The following CDH13 variants were observed in gnomAD, a reference collection of about 807,000 sequenced individuals.
The protein encoded by CDH13 is cadherin 13.
CDH13 carries 24 observed loss-of-function variants against 63.8 expected under a neutral mutation model. That is an observed-to-expected ratio of 0.38 (90% CI 0.27 to 0.53). The LOEUF is 0.53. CDH13 is among the 20% of genes least tolerant of loss of function. The pLI is 0.85. For missense variants in CDH13, 1,049 were observed against 903.1 expected, an observed-to-expected ratio of 1.16 and a Z score of -2.07; for synonymous variants, 503 against 355.3, an observed-to-expected ratio of 1.42 and a Z score of -4.67.
intron 1 of CDH13, among the ~76,000 whole-genome samples, chr16:82,760,474 AT>A (rs1233644120): frequency 6.6e-6 from 1 of 152,112 alleles, no homozygotes; most frequent in Non-Finnish European, 1.5e-5. Flanking sequence ...TTTTATTAAT[AT>A]TATGGCATTA....
chr16:83,093,294 CTTTTTTTTTTTTTTTTTTTTTT>C (rs549590536), intron 3 of CDH13, among the ~76,000 whole-genome samples: 5 of 35,292 alleles, frequency 1.4e-4, no homozygotes, highest in Non-Finnish European at 2.8e-4. Context: ...ACCATAAGTA[CTTTTTTTTTTTTTTTTTTTTTT>C]TTTTTTTTTT....
chr16:83,417,705 C>G (rs1419028956), intron 6 of CDH13, among the ~76,000 whole-genome samples: 2 of 152,200 alleles, frequency 1.3e-5, no homozygotes, highest in Non-Finnish European at 2.9e-5. Flanking sequence ...GCTCCTCTTA[C>G]GAAGCAGACA....
chr16:83,077,377 G>T (rs146252549), intron 3 of CDH13, among the ~76,000 whole-genome samples: 1 of 151,112 alleles, frequency 6.6e-6, no homozygotes, highest in African/African-American at 2.4e-5. Flanking sequence ...ATTTTTACTA[G>T]ATCTATGGTT....
intron 6 of CDH13, among the ~76,000 whole-genome samples, chr16:83,471,515 C>T (rs1290101103): frequency 5.3e-5 from 8 of 152,158 alleles, no homozygotes; most frequent in African/African-American, 1.9e-4. Flanking sequence ...ACCTCGTGAT[C>T]CACCCGCCTC....
At chr16:83,572,959 A>G (rs1395051985) in intron 7 of CDH13, among the ~76,000 whole-genome samples, 2 of 152,342 alleles carry the variant, frequency 1.3e-5, no homozygotes, top group African/African-American at 2.4e-5. Flanking sequence ...AAATGTGTAC[A>G]GTACTTACAG....
intron 1 of CDH13, among the ~76,000 whole-genome samples, chr16:82,635,250 A>C (rs957030439): frequency 3.9e-5 from 6 of 152,268 alleles, no homozygotes; most frequent in Admixed American, 6.5e-5. Context: ...AATGAATATA[A>C]GAAAGACATC....
At chr16:83,426,011 T>C (rs1055217429) in intron 6 of CDH13, among the ~76,000 whole-genome samples, 1 of 152,204 alleles carries the variant, frequency 6.6e-6, no homozygotes, top group Admixed American at 6.5e-5. Context: ...CAGTAGGGTT[T>C]CTTTTTAAGT....
intron 8 of CDH13, among the ~76,000 whole-genome samples, chr16:83,666,560 T>A (rs544849823): frequency 3.3e-5 from 5 of 152,344 alleles, no homozygotes; most frequent in African/African-American, 1.2e-4. Context: ...GGGCCCTGCA[T>A]AAGGTGACTC....
intron 7 of CDH13, among the ~76,000 whole-genome samples, chr16:83,561,373 C>G (rs1196804231): frequency 6.8e-6 from 1 of 145,988 alleles, no homozygotes; most frequent in Admixed American, 7.0e-5. Flanking sequence ...TTGTGGTGAG[C>G]TGAGATTGTG....
chr16:83,117,990 G>C (rs2035389644), intron 3 of CDH13, among the ~76,000 whole-genome samples: 2 of 152,204 alleles, frequency 1.3e-5, no homozygotes, highest in South Asian at 4.1e-4. Context: ...TGAAACCGGA[G>C]ATCTTTGTGT....
intron 2 of CDH13, among the ~76,000 whole-genome samples, chr16:82,976,565 T>A (rs1909536491): frequency 6.6e-6 from 1 of 152,156 alleles, no homozygotes; most frequent in Non-Finnish European, 1.5e-5. Flanking sequence ...TTAGATAAAT[T>A]ATGCCTCAAG....
At chr16:83,646,943 C>T (rs908199798) in intron 8 of CDH13, among the ~76,000 whole-genome samples, 7 of 151,866 alleles carry the variant, frequency 4.6e-5, no homozygotes, top group Middle Eastern at 3.4e-3. Context: ...GCATCATTTA[C>T]GTTTTGTCCT....
intron 10 of CDH13, among the ~76,000 whole-genome samples, chr16:83,715,697 G>C (rs982343929): frequency 6.6e-6 from 1 of 152,188 alleles, no homozygotes; most frequent in Non-Finnish European, 1.5e-5. Flanking sequence ...TGGACAGTCT[G>C]ATGCTCGGTG....
chr16:83,368,884 T>C (rs28452275), intron 6 of CDH13, among the ~76,000 whole-genome samples: 4 of 47,702 alleles, frequency 8.4e-5, no homozygotes, highest in Non-Finnish European at 1.1e-4. Flanking sequence ...GTATTCCATG[T>C]TATATATATA....
chr16:83,399,487 C>T (rs2091935254), intron 6 of CDH13, among the ~76,000 whole-genome samples: 1 of 152,146 alleles, frequency 6.6e-6, no homozygotes, highest in South Asian at 2.1e-4. Flanking sequence ...CAAATGTGAC[C>T]ACTATGTCTC....
intron 4 of CDH13, among the ~76,000 whole-genome samples, chr16:83,202,878 A>G (rs138628769): frequency 0.01 from 1,544 of 152,296 alleles, 27 homozygotes; most frequent in African/African-American, 0.035. Context: ...CAGGAAAAAT[A>G]GACACTGAAG....
At chr16:83,437,825 AG>A (rs1377361308) in intron 6 of CDH13, among the ~76,000 whole-genome samples, 1 of 152,240 alleles carries the variant, frequency 6.6e-6, no homozygotes, top group Non-Finnish European at 1.5e-5. Flanking sequence ...GCCAAAGGGT[AG>A]AAATTAATGT....
intron 4 of CDH13, 115 bp from the exon 5 acceptor site, chr16:83,217,230 A>G: frequency 2.1e-6 from 2 of 953,142 alleles, no homozygotes; most frequent in South Asian, 1.5e-5. Flanking sequence ...TGTGTTCACC[A>G]GGTACCCATG....
chr16:83,533,469 T>G (rs997893911), intron 7 of CDH13, among the ~76,000 whole-genome samples: 1 of 152,104 alleles, frequency 6.6e-6, no homozygotes, highest in Non-Finnish European at 1.5e-5. Flanking sequence ...AAGTCGGATC[T>G]GTGTAGGTAG....
Sources: gnomAD v4.1 joint callset for allele counts (sites outside exome capture counted in the v4.1 genomes callset) on GRCh38, gnomAD v4.1.1 for gene constraint, MANE v1.5 for transcripts, NCBI Gene and HGNC (gene_info 2026-07-23, HGNC 2026-07-21) for gene names.